Variants in ZNF433 observed in about 807,000 individuals in gnomAD.
ZNF433 encodes the protein zinc finger protein 433.
A neutral mutation model predicts 10.6 loss-of-function variants in ZNF433; 12 were observed. The observed-to-expected ratio is 1.13, with a 90% confidence interval of 0.72 to 1.83. ZNF433 has a LOEUF of 1.83. Among genes scored for constraint, ZNF433 ranks in the 40% most tolerant of loss-of-function variants. The probability of loss-of-function intolerance (pLI) is 0.00; values close to 1 mark genes in which losing one functional copy is unlikely to be tolerated. For synonymous variants in ZNF433, 272 were observed against 271.3 expected (o/e 1.00, Z -0.02); for missense variants, 737 against 798.0 (o/e 0.92, Z 0.92).
chr19:12,025,585 T>C (rs572283564), intron 1 of ZNF433: 1 of 152,366 alleles, frequency 6.6e-6, no homozygotes, highest in South Asian at 2.1e-4. Context: ...TCATCTTTTA[T>C]AGGAGGAGTT....
chr19:12,026,747 G>A (rs926381013), intron 1 of ZNF433: 12 of 454,008 alleles, frequency 2.6e-5, no homozygotes, highest in Admixed American at 1.2e-4. Context: ...GCTGCACAAC[G>A]ATTCCTATGG....
chr19:12,035,657 G>C lies in ZNF433; in HGVS notation c.-118C>G. The C allele has an allele frequency of 7.2e-7, 1 of 1,389,178 alleles. No homozygotes were observed. 86.1% of individuals were successfully genotyped at this position (1,389,178 alleles called of 1,614,324 possible). On this transcript the variant is annotated 5_prime_UTR_variant, in exon 1 of 4. Coordinates refer to ENST00000550507, the MANE Select transcript of ZNF433 (RefSeq NM_001308348.2). ...AAAGCCAGGCTCCCAACCTCAGCTC[G>C]CCGCCTGGAGCCGGGAACCGAGGAG...
intron 1 of ZNF433, chr19:12,023,897 C>G (rs1166441910): frequency 6.6e-6 from 1 of 151,684 alleles, no homozygotes; most frequent in Non-Finnish European, 1.5e-5. Context: ...GGGGTATGTC[C>G]TAGGAAAAAA....
intron 1 of ZNF433, among the ~76,000 whole-genome samples, chr19:12,020,324 A>G (rs1974424005): frequency 6.6e-6 from 1 of 152,174 alleles, no homozygotes; most frequent in Non-Finnish European, 1.5e-5. Flanking sequence ...TTTCTGCAAT[A>G]CATAGAAATG....
chr19:12,031,813 G>A (rs1272558076), intron 1 of ZNF433, among the ~76,000 whole-genome samples: 1 of 150,748 alleles, frequency 6.6e-6, no homozygotes, highest in Non-Finnish European at 1.5e-5. Context: ...TTGAGCCCAG[G>A]AGGTCAAGGC....
intron 1 of ZNF433, among the ~76,000 whole-genome samples, chr19:12,029,235 G>A (rs888328068): frequency 6.6e-6 from 1 of 152,064 alleles, no homozygotes; most frequent in African/African-American, 2.4e-5. Context: ...AGAATAGCCA[G>A]CATAAGCTGG....
intron 1 of ZNF433, among the ~76,000 whole-genome samples, chr19:12,023,014 AC>A (rs374231789): frequency 6.6e-6 from 1 of 152,012 alleles, no homozygotes; most frequent in African/African-American, 2.4e-5. Flanking sequence ...GTTAGGATAC[AC>A]CCCCCAGATC....
chr19:12,027,826 G>A (rs922315550), intron 1 of ZNF433: 2 of 152,196 alleles, frequency 1.3e-5, no homozygotes, highest in East Asian at 3.8e-4. Flanking sequence ...TTAGGCTTCA[G>A]CTGATATAGA....
intron 1 of ZNF433, 55 bp downstream of exon 1, chr19:12,035,482 G>GGCCGGTTCCA: frequency 7.7e-6 from 12 of 1,556,570 alleles, no homozygotes; most frequent in Non-Finnish European, 1.0e-5. Context: ...AGCCGGTTCC[G>GGCCGGTTCCA]GCCGGTTCCA....
chr19:12,035,089 A>AT (rs1568344880), intron 1 of ZNF433, among the ~76,000 whole-genome samples: 1 of 152,184 alleles, frequency 6.6e-6, no homozygotes, highest in Admixed American at 6.5e-5. Context: ...TTATTAATAT[A>AT]TTTTTTAAAA....
At position 12,017,886 on chromosome 19, in the gene ZNF433, T is replaced by C. The variant is rs369573237; in HGVS notation, c.181A>G (p.Arg61Gly). Residue 61 changes from arginine to glycine, a missense_variant, in exon 3 of 4, where the codon AGA becomes GGA. Transcript: ENST00000550507. ...NIYVEYENLR[R>G]NLRIVGERLF... is the part of the protein sequence containing the mutation. ...GTGAGTGCAAGTTACCTTAGGTTTCTCCTTAGATTTTCGTACTCTACATAT... is the reference window on the plus strand; with the variant it reads ...GTGAGTGCAAGTTACCTTAGGTTTCCCCTTAGATTTTCGTACTCTACATAT... 3.1e-6 allele frequency: 5 copies of C among 1,590,544 alleles called. No individual in the cohort carries two copies. The African/African-American group carries it at 6.8e-5, about 22-fold the overall frequency.
intron 1 of ZNF433, chr19:12,034,697 C>T (rs571631596): frequency 2.4e-6 from 1 of 410,226 alleles, no homozygotes; most frequent in East Asian, 7.2e-5. Context: ...TTAAGCAATC[C>T]TTCCTACCGC....
At position 12,017,927 on chromosome 19, in the gene ZNF433, C is replaced by G; in HGVS notation, c.140G>C (p.Trp47Ser). 1 of 1,582,256 alleles carries G rather than the reference C, an allele frequency of 6.3e-7. No homozygotes were observed. Residue 47 changes from tryptophan (W) to serine (S), a missense_variant, in exon 3 of 4, where the codon TGG becomes TCG. Physicochemically the swap from Trp to Ser is radical, Grantham distance 177. Coordinates refer to ENST00000550507, the MANE Select transcript of ZNF433 (RefSeq NM_001308348.2). Reference protein sequence around the residue: ...FRNLASIGKKWKPQNIYVEYE... With the variant: ...FRNLASIGKKSKPQNIYVEYE... ...CTCTACATATATGTTCTGGGGTTTC[C>G]ATTTTTTCCCTACAACACACAACAA...
Position 12,018,189 on chromosome 19 carries a change from G to A in ZNF433, c.107C>T (p.Thr36Ile), listed in dbSNP as rs1437850019. 1.9e-6 allele frequency: 3 copies of A among 1,604,610 alleles called. No individual in the cohort carries two copies. In the East Asian group the frequency reaches 6.7e-5, roughly 36 times the overall value. The part of the protein sequence containing the change: ...KNLCRDVMQE[T>I]FRNLASIGKK... ...ACCTATAGAGGCCAGGTTCCTGAAGGTTTCTTGCATCACATCTCTACAGAG... is the reference window on the plus strand; with the variant it reads ...ACCTATAGAGGCCAGGTTCCTGAAGATTTCTTGCATCACATCTCTACAGAG... The change falls in exon 2 of 4, where the codon ACC becomes ATC. Residue 36 changes from threonine to isoleucine, a missense_variant. Coordinates refer to ENST00000550507, the MANE Select transcript of ZNF433 (RefSeq NM_001308348.2).
At position 12,014,922 on chromosome 19, in the gene ZNF433, T is replaced by C. The variant is rs1244987352; in HGVS notation, c.1936A>G (p.Asn646Asp). The C allele has an allele frequency of 6.2e-7, 1 of 1,613,962 alleles. No individual in the cohort carries two copies. The stretch of plus-strand genomic sequence containing the variant: ...CATCTAAAGACTTTACCACATTGGT[T>C]ACATTTATAGGGTTTCTCTCCAGTG... ...THTGEKPYKC[N>D]QCGKVFRCSS... is the part of the protein sequence containing the mutation. The change falls in exon 4 of 4, where the codon AAC (asparagine) becomes GAC (aspartate). Residue 646 changes from asparagine to aspartate, a missense_variant. Transcript: ENST00000550507.
At chr19:12,035,423 T>C (rs967550597) in intron 1 of ZNF433, 114 bp downstream of exon 1, 18 of 1,442,066 alleles carry the variant, frequency 1.2e-5, no homozygotes, top group African/African-American at 7.1e-5. Context: ...CCACGGGAAA[T>C]CGGGTCCCAG....
intron 1 of ZNF433, among the ~76,000 whole-genome samples, chr19:12,022,904 G>A (rs1974563158): frequency 6.6e-6 from 1 of 152,186 alleles, no homozygotes; most frequent in African/African-American, 2.4e-5. Flanking sequence ...TTTCCCCAAT[G>A]AGTGTTCGAG....
At chr19:12,021,840 G>T in intron 1 of ZNF433, 1 of 408,880 alleles carries the variant, frequency 2.4e-6, no homozygotes, top group South Asian at 1.7e-5. Context: ...CTCTCCTGAA[G>T]ACCACTCCCT....
chr19:12,020,071 G>A (rs1365207428), intron 1 of ZNF433, among the ~76,000 whole-genome samples: 1 of 152,034 alleles, frequency 6.6e-6, no homozygotes, highest in Non-Finnish European at 1.5e-5. Context: ...CAGGGGTTCA[G>A]GACCAGCCTG....
Sources: gnomAD v4.1 joint callset for allele counts (sites outside exome capture counted in the v4.1 genomes callset) on GRCh38, gnomAD v4.1.1 for gene constraint, MANE v1.5 for transcripts, NCBI Gene and HGNC (gene_info 2026-07-23, HGNC 2026-07-21) for gene names.